The following SLC4A4 variants were observed in gnomAD, a reference collection of about 807,000 sequenced individuals.
SLC4A4 encodes the protein electrogenic sodium bicarbonate cotransporter 1.
Under a neutral mutation model 111.5 loss-of-function variants are expected in SLC4A4, and 27 were observed. The observed-to-expected ratio is 0.24, with a 90% CI of 0.18 to 0.33. SLC4A4 has a LOEUF of 0.33. SLC4A4 is among the 10% of genes least tolerant of loss of function. The pLI, the probability that SLC4A4 is intolerant of heterozygous loss-of-function variation, is 1.00. For missense variants in SLC4A4, 909 were observed against 1,315.5 expected (o/e 0.69, Z 4.78); for synonymous variants, 443 against 463.4 (o/e 0.96, Z 0.57).
At chr4:71,130,093 A>T (rs1743662222) in intron 2 of SLC4A4, among the ~76,000 whole-genome samples, 1 of 152,158 alleles carries the variant, frequency 6.6e-6, no homozygotes, top group African/African-American at 2.4e-5. Context: ...CATGCCATTT[A>T]CCTATATGAC....
chr4:71,196,361 G>A (rs536934452), intron 1 of SLC4A4, among the ~76,000 whole-genome samples: 1 of 152,252 alleles, frequency 6.6e-6, no homozygotes, highest in South Asian at 2.1e-4. Flanking sequence ...AAGGGAGAAG[G>A]CGGATAGGAA....
At chr4:71,290,733 A>G (rs952497790) in intron 3 of SLC4A4, among the ~76,000 whole-genome samples, 1 of 152,230 alleles carries the variant, frequency 6.6e-6, no homozygotes, top group African/African-American at 2.4e-5. Flanking sequence ...ATACAAACCC[A>G]TCAGGTGATT....
chr4:71,159,167 A>G lies in SLC4A4; in HGVS notation c.-2+66375A>G, dbSNP rs563200786. 4.6e-5 allele frequency among the ~76,000 whole-genome samples: 7 copies of G among 152,364 alleles called. 1 individual carries two copies. The highest frequency in any genetic ancestry group is 1.7e-4 in the African/African-American group (7 of 41,582). ...GAAAATGGTATCATGCCTTGCATAT[A>G]GCACTCTTCTGCAACTTACTGACTT... On this transcript the variant is annotated intron_variant, in intron 2 of 26. Transcript: ENST00000649996.
Position 71,426,243 on chromosome 4 carries a change from T to A in SLC4A4, c.808-14373T>A, listed in dbSNP as rs575176994. Among the ~76,000 whole-genome samples the A allele has an allele frequency of 4.6e-5, 7 of 152,184 alleles. No homozygotes were observed. In the South Asian group the frequency reaches 1.5e-3, roughly 32 times the overall value. On this transcript the variant is annotated intron_variant, in intron 7 of 25. Transcript: ENST00000264485. ...GGTATAATGAGGCATGTCTTACCCC[T>A]CTCTTCCCATCATGGTCTGAACTAG...
At chr4:71,146,041 G>C (rs1744155815) in intron 2 of SLC4A4, among the ~76,000 whole-genome samples, 1 of 151,966 alleles carries the variant, frequency 6.6e-6, no homozygotes, top group South Asian at 2.1e-4. Flanking sequence ...TGTGATGTTA[G>C]GGTGTCAATT....
intron 6 of SLC4A4, among the ~76,000 whole-genome samples, chr4:71,359,932 A>G (rs1354402912): frequency 6.6e-6 from 1 of 152,198 alleles, no homozygotes; most frequent in Admixed American, 6.5e-5. Context: ...ATTTATAGAG[A>G]TAACTTCAAA....
At chr4:71,563,086 G>C (rs1209482743) in intron 23 of SLC4A4, among the ~76,000 whole-genome samples, 1 of 151,652 alleles carries the variant, frequency 6.6e-6, no homozygotes, top group Non-Finnish European at 1.5e-5. Flanking sequence ...GGGCTAGGTG[G>C]CTTGTTCTTT....
chr4:71,449,203 A>G (rs1313416549), intron 9 of SLC4A4, among the ~76,000 whole-genome samples: 1 of 152,188 alleles, frequency 6.6e-6, no homozygotes, highest in Admixed American at 6.5e-5. Context: ...TCAGTATGGT[A>G]AAACGACATT....
At chr4:71,165,730 TA>T (rs202104732) in intron 2 of SLC4A4, among the ~76,000 whole-genome samples, 2,817 of 152,012 alleles carry the variant, frequency 0.019, 84 homozygotes, top group African/African-American at 0.06. Context: ...ATTTAACTAA[TA>T]AAAAAAACAT....
intron 2 of SLC4A4, among the ~76,000 whole-genome samples, chr4:71,148,626 C>T (rs1354421371): frequency 6.6e-6 from 1 of 152,254 alleles, no homozygotes; most frequent in East Asian, 1.9e-4. Flanking sequence ...TTAGCTTCCA[C>T]TTATAAAAGA....
At chr4:71,296,558 T>A (rs566831470) in intron 3 of SLC4A4, among the ~76,000 whole-genome samples, 1 of 152,342 alleles carries the variant, frequency 6.6e-6, no homozygotes, top group Admixed American at 6.5e-5. Flanking sequence ...GTACTTTTTT[T>A]ATACATGGTA....
At chr4:71,524,931 G>A (rs1164101914) in intron 16 of SLC4A4, among the ~76,000 whole-genome samples, 1 of 152,102 alleles carries the variant, frequency 6.6e-6, no homozygotes, top group African/African-American at 2.4e-5. Context: ...ATTGAGAACT[G>A]CTCTGTAGAC....
At position 71,255,334 on chromosome 4, in the gene SLC4A4, A is replaced by G. The variant is rs201370168; in HGVS notation, c.188A>G (p.Asn63Ser). 7 of 1,613,470 alleles carry G rather than the reference A, an allele frequency of 4.3e-6. No homozygotes were observed. The African/African-American group carries it at 8.0e-5, about 18-fold the overall frequency. Reference protein sequence around the residue: ...EKKEKERISENYSDKSDIENA... With the variant: ...EKKEKERISESYSDKSDIENA... ...AAGGAAAAGGAGAGAATCTCTGAGAACTACTCTGACAAATCAGATATTGAA... is the reference window on the plus strand; with the variant it reads ...AAGGAAAAGGAGAGAATCTCTGAGAGCTACTCTGACAAATCAGATATTGAA... The change falls in exon 3 of 26, where the codon AAC (asparagine) becomes AGC (serine). Residue 63 changes from asparagine to serine, a missense_variant. Around this residue, in one of 7 missense-constraint regions of SLC4A4, gnomAD observed 117 missense variants for 154.2 expected, o/e 0.76. Coordinates refer to ENST00000264485, the MANE Select transcript of SLC4A4 (RefSeq NM_001098484.3).
intron 2 of SLC4A4, among the ~76,000 whole-genome samples, chr4:71,250,533 ATACAG>A (rs1379741148): frequency 6.6e-6 from 1 of 152,184 alleles, no homozygotes; most frequent in Non-Finnish European, 1.5e-5. Flanking sequence ...TTTAGATAGA[ATACAG>A]TACTGACATA....
chr4:71,142,050 A>G (rs16845895), intron 2 of SLC4A4, among the ~76,000 whole-genome samples: 2,671 of 152,344 alleles, frequency 0.018, 87 homozygotes, highest in African/African-American at 0.061. Context: ...CCTGATCTCA[A>G]ACTTTTTGTG....
chr4:71,567,759 T>G, intron 25 of SLC4A4, 29 bp from the exon 26 acceptor site: 1 of 1,083,190 alleles, frequency 9.2e-7, no homozygotes, highest in Non-Finnish European at 1.3e-6. Flanking sequence ...CTGATTTACT[T>G]ACTACTTTTT....
intron 7 of SLC4A4, among the ~76,000 whole-genome samples, chr4:71,406,346 A>G (rs1720851613): frequency 6.6e-6 from 1 of 151,852 alleles, no homozygotes; most frequent in African/African-American, 2.4e-5. Context: ...ATGTTGGGGC[A>G]TATTTGCAGA....
intron 1 of SLC4A4, among the ~76,000 whole-genome samples, chr4:71,083,759 T>C (rs547007800): frequency 1.3e-5 from 2 of 151,426 alleles, no homozygotes; most frequent in East Asian, 3.9e-4. Context: ...GCTTGAATTT[T>C]TCTCTAAACA....
At chr4:71,450,595 G>C (rs1725671614) in intron 10 of SLC4A4, 52 bp downstream of exon 10, 1 of 1,552,888 alleles carries the variant, frequency 6.4e-7, no homozygotes, top group Non-Finnish European at 8.8e-7. Flanking sequence ...CTCTGAGAAG[G>C]AGGTTGTGTT....
Sources: allele counts gnomAD v4.1 joint callset (sites outside exome capture counted in the v4.1 genomes callset), GRCh38; gene constraint gnomAD v4.1.1; regional missense constraint gnomAD v4.1.1; transcripts MANE v1.5; gene names NCBI Gene and HGNC (gene_info 2026-07-23, HGNC 2026-07-21).